The following CNIH3 variants were observed in gnomAD, a reference collection of about 807,000 sequenced individuals.
CNIH3 encodes protein cornichon homolog 3.
Under a neutral mutation model 24.1 loss-of-function variants are expected in CNIH3, and 14 were observed. The ratio of observed to expected loss-of-function variants is 0.58; its 90% CI spans 0.38 to 0.91. The LOEUF (loss-of-function observed/expected upper bound fraction) is 0.91. Ranked by LOEUF, CNIH3 falls within the 40% of genes least tolerant of loss-of-function variation. The pLI, the probability that CNIH3 is intolerant of heterozygous loss-of-function variation, is 0.00. For missense variants in CNIH3, 178 were observed against 196.8 expected (o/e 0.90, Z 0.57); for synonymous variants, 68 against 73.8 (o/e 0.92, Z 0.40).
At chr1:224,454,444 T>TGTA (rs976370976) in intron 1 of CNIH3, 39 of 468,094 alleles carry the variant, frequency 8.3e-5, no homozygotes, top group African/African-American at 8.1e-4. Context: ...TTTCTATTGG[T>TGTA]GTAGTCTGTT....
chr1:224,723,542 A>G (rs1361955375), intron 3 of CNIH3, among the ~76,000 whole-genome samples: 1 of 152,214 alleles, frequency 6.6e-6, no homozygotes, highest in East Asian at 1.9e-4. Flanking sequence ...TGGGGCTGGA[A>G]GCAGCCCGTC....
rs1335672989 is a variant in CNIH3, at chr1:224,729,754, A to ACCTTT, written c.199-708_199-707insCCTTT. ...GATTTTAAGCTCCTTTTACCCATTTATACCTGTGTGGCTGGATTGGAGGTG... is the reference window on the plus strand; with the variant it reads ...GATTTTAAGCTCCTTTTACCCATTTACCTTTTACCTGTGTGGCTGGATTGGAGGTG... On this transcript the variant is annotated intron_variant, in intron 3 of 5. Transcript: ENST00000272133. Among the ~76,000 whole-genome samples the ACCTTT allele has an allele frequency of 2.6e-5, 4 of 152,148 alleles. No individual in the cohort carries two copies. The East Asian group carries it at 7.7e-4, about 29-fold the overall frequency.
chr1:224,548,480 A>G (rs1401774492), intron 3 of CNIH3, among the ~76,000 whole-genome samples: 1 of 151,892 alleles, frequency 6.6e-6, no homozygotes, highest in Admixed American at 6.6e-5. Context: ...CTAATATAAC[A>G]GTGGGTATAT....
upstream of CNIH3, among the ~76,000 whole-genome samples, chr1:224,513,356 G>GA (rs1278253191): frequency 7.9e-6 from 1 of 126,104 alleles, no homozygotes; most frequent in Non-Finnish European, 1.7e-5. Flanking sequence ...GTGGGGGTGG[G>GA]GGTGGGAGGG....
upstream of CNIH3, among the ~76,000 whole-genome samples, chr1:224,514,286 C>T (rs60544953): frequency 0.025 from 3,758 of 152,172 alleles, 157 homozygotes; most frequent in African/African-American, 0.086. Flanking sequence ...TTAGTTTATA[C>T]GCATGCAGGT....
At chr1:224,576,822 A>G (rs1355802691) in intron 4 of CNIH3, among the ~76,000 whole-genome samples, 1 of 152,202 alleles carries the variant, frequency 6.6e-6, no homozygotes, top group Non-Finnish European at 1.5e-5. Context: ...TTCAAACTAT[A>G]CTACAAAACT....
At chr1:224,727,886 C>G (rs1359114789) in intron 3 of CNIH3, among the ~76,000 whole-genome samples, 2 of 152,138 alleles carry the variant, frequency 1.3e-5, no homozygotes, top group African/African-American at 2.4e-5. Context: ...AGAATAAATT[C>G]TTCAGCTTTT....
chr1:224,603,266 A>T (rs1468347517), intron 3 of CNIH3, among the ~76,000 whole-genome samples: 1 of 152,268 alleles, frequency 6.6e-6, no homozygotes, highest in Non-Finnish European at 1.5e-5. Flanking sequence ...TTATCTGCTT[A>T]GGAACAAGGA....
At chr1:224,482,108 C>T (rs1676838652) in intron 1 of CNIH3, among the ~76,000 whole-genome samples, 1 of 152,154 alleles carries the variant, frequency 6.6e-6, no homozygotes, top group African/African-American at 2.4e-5. Context: ...TGAATGCTCT[C>T]AAGCCTGGGA....
intron 1 of CNIH3, among the ~76,000 whole-genome samples, chr1:224,516,312 CAAAAAAAA>C (rs71574505): frequency 0.043 from 2,887 of 67,690 alleles, 114 homozygotes; most frequent in African/African-American, 0.11. Flanking sequence ...GACTCTGTCT[CAAAAAAAA>C]AAAAAAAAAA....
chr1:224,686,851 G>A (rs1395990357), intron 3 of CNIH3, among the ~76,000 whole-genome samples: 1 of 152,208 alleles, frequency 6.6e-6, no homozygotes, highest in Non-Finnish European at 1.5e-5. Flanking sequence ...GCAAGAATTA[G>A]CATTACTTTT....
At chr1:224,666,262 G>A (rs1329621512) in intron 1 of CNIH3, among the ~76,000 whole-genome samples, 1 of 152,090 alleles carries the variant, frequency 6.6e-6, no homozygotes, top group Non-Finnish European at 1.5e-5. Context: ...GCAGACAGCT[G>A]GTACTGTGAG....
intron 1 of CNIH3, among the ~76,000 whole-genome samples, chr1:224,463,377 G>A (rs566064112): frequency 2.6e-4 from 40 of 151,128 alleles, no homozygotes; most frequent in Non-Finnish European, 3.4e-4. Flanking sequence ...TTGTTTTCTC[G>A]TTATTAATTT....
At chr1:224,474,318 T>C (rs905348163) in intron 1 of CNIH3, among the ~76,000 whole-genome samples, 4 of 151,326 alleles carry the variant, frequency 2.6e-5, no homozygotes, top group Non-Finnish European at 5.9e-5. Context: ...GAGCCGAGAT[T>C]GTGCCATTGC....
intron 3 of CNIH3, chr1:224,547,019 G>A: frequency 2.2e-6 from 1 of 444,562 alleles, no homozygotes; most frequent in Non-Finnish European, 3.0e-6. Context: ...GGGTGAGTGA[G>A]TACCTAATGG....
At chr1:224,513,650 C>A (rs1280333544), upstream of CNIH3, 1 of 152,192 alleles carries the variant, frequency 6.6e-6, no homozygotes, top group East Asian at 1.9e-4. Flanking sequence ...TCGAATTTTC[C>A]CCCGGGTTCT....
At chr1:224,466,837 A>G (rs976465574) in intron 1 of CNIH3, among the ~76,000 whole-genome samples, 1 of 152,174 alleles carries the variant, frequency 6.6e-6, no homozygotes, top group Non-Finnish European at 1.5e-5. Context: ...AGATTGCCCT[A>G]ATCACTGAGG....
At chr1:224,661,478 C>A in intron 1 of CNIH3, 1 of 261,420 alleles carries the variant, frequency 3.8e-6, no homozygotes, top group Non-Finnish European at 7.6e-6. Context: ...GAAAAACAAC[C>A]CATCCCTCAG....
intron 1 of CNIH3, among the ~76,000 whole-genome samples, chr1:224,660,084 C>T (rs1156454906): frequency 6.6e-6 from 1 of 152,210 alleles, no homozygotes; most frequent in African/African-American, 2.4e-5. Context: ...TTTCCAAGTC[C>T]ATAATTTAAC....
Sources: gnomAD v4.1 joint callset for allele counts (sites outside exome capture counted in the v4.1 genomes callset) on GRCh38, gnomAD v4.1.1 for gene constraint, MANE v1.5 for transcripts, NCBI Gene and HGNC (gene_info 2026-07-23, HGNC 2026-07-21) for gene names.